Variants in BMERB1 observed in about 807,000 individuals in gnomAD.
The protein encoded by BMERB1 is bMERB domain containing 1.
In BMERB1, 12 loss-of-function variants were observed where a neutral mutation model predicts 23.6. The ratio of observed to expected loss-of-function variants is 0.51; its 90% CI spans 0.33 to 0.82. BMERB1 has a LOEUF of 0.82. Among genes scored for constraint, BMERB1 ranks in the 40% least tolerant of loss-of-function variants. The probability of loss-of-function intolerance (pLI) is 0.03; values close to 1 mark genes in which losing one functional copy is unlikely to be tolerated. For missense variants in BMERB1, 247 were observed against 255.4 expected (o/e 0.97, Z 0.22); for synonymous variants, 122 against 96.6 (o/e 1.26, Z -1.54).
chr16:15,479,597 C>CT (rs2051302495), intron 1 of BMERB1, among the ~76,000 whole-genome samples: 1 of 151,912 alleles, frequency 6.6e-6, no homozygotes, highest in Non-Finnish European at 1.5e-5. Flanking sequence ...TATACTCCAA[C>CT]CAAAACAATA....
Position 15,586,722 on chromosome 16 carries a change from C to G in BMERB1, c.508C>G (p.Arg170Gly), listed in dbSNP as rs137927249. ...DKVTKSPASS[R>G]AEKKAEPPPS... ...GTGCCCACATCTTGCTGCAGGCTCCCGGGCAGAGAAGAAAGCAGAGCCCCC... is the reference window on the plus strand; with the variant it reads ...GTGCCCACATCTTGCTGCAGGCTCCGGGGCAGAGAAGAAAGCAGAGCCCCC... The change falls in exon 6 of 6, where the codon CGG (arginine) becomes GGG (glycine). Residue 170 changes from arginine to glycine, a missense_variant. Physicochemically the swap from Arg to Gly is moderately radical, Grantham distance 125. Coordinates refer to ENST00000300006, the MANE Select transcript of BMERB1 (RefSeq NM_033201.3). The G allele has an allele frequency of 8.7e-6, 14 of 1,608,422 alleles. No homozygotes were observed. In the African/African-American group the frequency reaches 1.1e-4, roughly 12 times the overall value.
At chr16:15,523,309 G>A (rs928158272) in intron 2 of BMERB1, among the ~76,000 whole-genome samples, 6 of 152,196 alleles carry the variant, frequency 3.9e-5, no homozygotes, top group Non-Finnish European at 8.8e-5. Context: ...ACCTGCTAGG[G>A]TCTTGGGGTT....
At position 15,549,245 on chromosome 16, in the gene BMERB1, A is replaced by G. The variant is rs974157899; in HGVS notation, c.231-18738A>G. On this transcript the variant is annotated intron_variant, in intron 2 of 5. Coordinates refer to ENST00000300006, the MANE Select transcript of BMERB1 (RefSeq NM_033201.3). Reference sequence around the variant, plus strand: ...TCCCAGCTACTTGGGAGGCTGAGCCAGAGGAATTGCTTGAACCCAGGAGGT... The same window carrying G: ...TCCCAGCTACTTGGGAGGCTGAGCCGGAGGAATTGCTTGAACCCAGGAGGT... 3.3e-5 allele frequency among the ~76,000 whole-genome samples: 5 copies of G among 151,834 alleles called. No individual in the cohort carries two copies. The East Asian group carries it at 9.7e-4, about 29-fold the overall frequency.
intron 3 of BMERB1, among the ~76,000 whole-genome samples, chr16:15,572,945 G>A (rs1191174754): frequency 6.6e-6 from 1 of 152,218 alleles, no homozygotes; most frequent in African/African-American, 2.4e-5. Context: ...GCTGCCTGCT[G>A]CCAAGTAAGA....
At chr16:15,522,724 C>T (rs374117855) in intron 2 of BMERB1, among the ~76,000 whole-genome samples, 15 of 152,178 alleles carry the variant, frequency 9.9e-5, no homozygotes, top group African/African-American at 2.6e-4. Flanking sequence ...TGTGTGATGT[C>T]GGAGTGGCTC....
intron 2 of BMERB1, among the ~76,000 whole-genome samples, chr16:15,533,691 A>C (rs897575281): frequency 2.0e-5 from 3 of 152,206 alleles, no homozygotes; most frequent in Admixed American, 2.0e-4. Flanking sequence ...AAGTCTATGC[A>C]TAAGCAGAGA....
At chr16:15,545,579 G>A (rs558991882) in intron 2 of BMERB1, among the ~76,000 whole-genome samples, 3 of 152,246 alleles carry the variant, frequency 2.0e-5, no homozygotes, top group East Asian at 3.9e-4. Context: ...CTCAGGAGTC[G>A]GAAGGACAGG....
At chr16:15,456,311 A>G (rs2051087128) in intron 1 of BMERB1, among the ~76,000 whole-genome samples, 1 of 151,612 alleles carries the variant, frequency 6.6e-6, no homozygotes, top group Non-Finnish European at 1.5e-5. Context: ...CATCTTTCTA[A>G]GTCAGTAATA....
intron 2 of BMERB1, among the ~76,000 whole-genome samples, chr16:15,548,735 A>G (rs1326738540): frequency 6.6e-6 from 1 of 152,214 alleles, no homozygotes. Context: ...GAGACCACTA[A>G]TCACTAGCAT....
chr16:15,473,287 CTT>C (rs549143781), intron 1 of BMERB1, among the ~76,000 whole-genome samples: 27 of 137,444 alleles, frequency 2.0e-4, no homozygotes, highest in South Asian at 2.3e-4. Flanking sequence ...TTCCTTTAGC[CTT>C]TTTTTTTTTT....
intron 2 of BMERB1, among the ~76,000 whole-genome samples, chr16:15,534,287 A>C (rs1448152840): frequency 5.1e-5 from 2 of 39,232 alleles, no homozygotes; most frequent in Non-Finnish European, 1.2e-4. Context: ...TTTTAATTGC[A>C]AAAAAAAAAA....
At position 15,584,557 on chromosome 16, in the gene BMERB1, CA is replaced by C. The variant is rs35390787; in HGVS notation, c.502+1333del. Among the ~76,000 whole-genome samples, 110 of 125,058 alleles carry C rather than the reference CA, an allele frequency of 8.8e-4. 1 individual carries two copies. The highest frequency in any genetic ancestry group is 3.8e-3 in the Middle Eastern group (1 of 260). The allele number at this position is 125,058 out of a possible 152,430, so 82.0% of individuals were successfully genotyped here. A position where few individuals can be genotyped will look rare whatever the true frequency, so the allele number is the denominator to read the frequency against. On this transcript the variant is annotated intron_variant, in intron 5 of 5. Coordinates refer to ENST00000300006, the MANE Select transcript of BMERB1 (RefSeq NM_033201.3). ...TGGGTGACACAGCAAGACTCCATCT[CA>C]AAAAAAAAAAAAAGAAAGAAAGAAA...
At chr16:15,542,368 C>T (rs1050996990) in intron 2 of BMERB1, among the ~76,000 whole-genome samples, 1 of 152,030 alleles carries the variant, frequency 6.6e-6, no homozygotes, top group Non-Finnish European at 1.5e-5. Flanking sequence ...CTGCCCACCC[C>T]TCTCCCCTGT....
rs145374823 is a variant in BMERB1 at position 15,583,234 on chromosome 16, A to G, written c.498A>G (p.Pro166=). ...LKPLDKVTKS[P]ASSRAEKKAE... is the part of the protein sequence containing the mutation. ...CTCTAGACAAAGTAACCAAATCTCC[A>G]GCCAGTGAGTATATACATTATTCAT... The change falls in exon 5 of 6, where the codon CCA becomes CCG. Residue 166 remains proline (P), a synonymous_variant. Transcript: ENST00000300006. 1.4e-4 allele frequency: 217 copies of G among 1,601,160 alleles called. No individual in the cohort carries two copies. The highest frequency in any genetic ancestry group is 3.3e-4 in the Middle Eastern group (2 of 6,064).
intron 2 of BMERB1, among the ~76,000 whole-genome samples, chr16:15,519,390 T>C (rs1281819143): frequency 6.6e-6 from 1 of 152,098 alleles, no homozygotes; most frequent in Admixed American, 6.5e-5. Flanking sequence ...CAGCATTAAC[T>C]CTTTTATTTT....
At chr16:15,478,997 GT>G (rs2051296651) in intron 1 of BMERB1, among the ~76,000 whole-genome samples, 1 of 152,110 alleles carries the variant, frequency 6.6e-6, no homozygotes, top group South Asian at 2.1e-4. Context: ...TTTGTCTTTT[GT>G]TTTTTGTTTG....
intron 2 of BMERB1, among the ~76,000 whole-genome samples, chr16:15,561,295 G>T (rs2030414606): frequency 9.1e-6 from 1 of 110,096 alleles, no homozygotes; most frequent in Non-Finnish European, 1.8e-5. Flanking sequence ...GGGAGAAGGA[G>T]TCTCACTCTG....
chr16:15,540,860 G>A (rs187983094), intron 2 of BMERB1, among the ~76,000 whole-genome samples: 6 of 152,330 alleles, frequency 3.9e-5, no homozygotes, highest in African/African-American at 1.4e-4. Context: ...GACACCAAAT[G>A]TGTTTTTTCT....
chr16:15,475,974 G>A (rs1199285363), intron 1 of BMERB1, among the ~76,000 whole-genome samples: 1 of 152,118 alleles, frequency 6.6e-6, no homozygotes, highest in Non-Finnish European at 1.5e-5. Flanking sequence ...TGAAGGTGGA[G>A]CTGATGCCAT....
Sources: allele counts gnomAD v4.1 joint callset (sites outside exome capture counted in the v4.1 genomes callset), GRCh38; gene constraint gnomAD v4.1.1; transcripts MANE v1.5; gene names NCBI Gene and HGNC (gene_info 2026-07-23, HGNC 2026-07-21).